The following CDH18 variants were observed in gnomAD, a reference collection of about 807,000 sequenced individuals.
The protein encoded by CDH18 is cadherin-18.
CDH18 carries 31 observed loss-of-function variants against 67.9 expected under a neutral mutation model. The observed-to-expected ratio is 0.46, with a 90% CI of 0.34 to 0.62. The LOEUF (loss-of-function observed/expected upper bound fraction) is 0.62. Among genes scored for constraint, CDH18 ranks in the 20% least tolerant of loss-of-function variants. The pLI is 0.01. For missense variants in CDH18, 890 were observed against 975.5 expected (o/e 0.91, Z 1.17); for synonymous variants, 362 against 347.2 (o/e 1.04, Z -0.48).
chr5:19,828,611 CA>C (rs1219583448), intron 3 of CDH18, among the ~76,000 whole-genome samples: 1 of 152,184 alleles, frequency 6.6e-6, no homozygotes, highest in Non-Finnish European at 1.5e-5. Flanking sequence ...CGTGATTCAT[CA>C]CAGCAACAGA....
At chr5:19,815,349 C>T (rs1305107852) in intron 3 of CDH18, among the ~76,000 whole-genome samples, 1 of 151,830 alleles carries the variant, frequency 6.6e-6, no homozygotes, top group Non-Finnish European at 1.5e-5. Context: ...GCTATGAAAA[C>T]ATGTTTATAT....
chr5:19,685,167 T>C (rs1403588087), intron 5 of CDH18, among the ~76,000 whole-genome samples: 1 of 152,120 alleles, frequency 6.6e-6, no homozygotes, highest in African/African-American at 2.4e-5. Context: ...CAAATACAAA[T>C]GTCAAGTAGG....
chr5:20,336,557 C>T (rs768694257), intron 1 of CDH18, among the ~76,000 whole-genome samples: 17 of 151,614 alleles, frequency 1.1e-4, no homozygotes, highest in Admixed American at 3.9e-4. Flanking sequence ...CCCGTCTATA[C>T]TAAAAATACA....
chr5:19,953,921 T>C (rs1304179558), intron 2 of CDH18, among the ~76,000 whole-genome samples: 2 of 152,078 alleles, frequency 1.3e-5, no homozygotes, highest in African/African-American at 4.8e-5. Flanking sequence ...AGTTATAATT[T>C]TTCCTTGAAA....
chr5:20,084,906 G>A (rs1367134864), intron 2 of CDH18, among the ~76,000 whole-genome samples: 1 of 152,134 alleles, frequency 6.6e-6, no homozygotes, highest in Non-Finnish European at 1.5e-5. Context: ...AGGCCTCCAG[G>A]CTTGTGATGG....
At chr5:19,602,072 C>A (rs554006366) in intron 6 of CDH18, among the ~76,000 whole-genome samples, 45 of 152,040 alleles carry the variant, frequency 3.0e-4, no homozygotes, top group African/African-American at 1.1e-3. Context: ...AACTTTTATT[C>A]AACATAATAC....
At chr5:19,782,529 A>C (rs192209684) in intron 3 of CDH18, among the ~76,000 whole-genome samples, 1 of 152,236 alleles carries the variant, frequency 6.6e-6, no homozygotes, top group Admixed American at 6.5e-5. Context: ...GAGAAAAGCA[A>C]ATTCAAATGT....
chr5:20,269,302 C>G (rs917592694), intron 1 of CDH18, among the ~76,000 whole-genome samples: 2 of 151,252 alleles, frequency 1.3e-5, no homozygotes, highest in African/African-American at 4.9e-5. Flanking sequence ...AGTGCAGTCT[C>G]TATGAAAACA....
At chr5:19,517,406 A>G (rs926695923) in intron 10 of CDH18, among the ~76,000 whole-genome samples, 4 of 151,996 alleles carry the variant, frequency 2.6e-5, no homozygotes, top group Non-Finnish European at 5.9e-5. Context: ...TTATCATCTT[A>G]ACAGACTTTT....
rs553945020 is a variant in CDH18, at chr5:19,569,383, G to T, written c.1253+2196C>A. Among the ~76,000 whole-genome samples, 591 of 152,180 alleles carry T rather than the reference G, an allele frequency of 3.9e-3. 3 individuals carry two copies. Among genetic ancestry groups the T allele is most frequent in the South Asian group, 5.8e-3 (28 of 4,822 alleles). On this transcript the variant is annotated intron_variant, in intron 8 of 12. Transcript: ENST00000382275. ...GAAAGTTTTGGAATACATTCTCCATGCACACCTCCCTCAGACCATTATTAC... is the reference window on the plus strand; with the variant it reads ...GAAAGTTTTGGAATACATTCTCCATTCACACCTCCCTCAGACCATTATTAC...
chr5:19,868,313 C>T (rs1332151823), intron 2 of CDH18, among the ~76,000 whole-genome samples: 1 of 152,138 alleles, frequency 6.6e-6, no homozygotes, highest in African/African-American at 2.4e-5. Flanking sequence ...AGCTTTATTT[C>T]AGATGGAGTG....
At chr5:19,534,401 CATCTT>C (rs1436481914) in intron 9 of CDH18, among the ~76,000 whole-genome samples, 13 of 152,056 alleles carry the variant, frequency 8.5e-5, no homozygotes, top group African/African-American at 3.1e-4. Flanking sequence ...TAGCGTCACT[CATCTT>C]ATTACCATGT....
chr5:19,839,776 T>C (rs1296112873), intron 2 of CDH18, among the ~76,000 whole-genome samples: 4 of 152,136 alleles, frequency 2.6e-5, no homozygotes, highest in Non-Finnish European at 2.9e-5. Context: ...TAAATTTTGA[T>C]AGGTCCTGCA....
intron 2 of CDH18, among the ~76,000 whole-genome samples, chr5:20,117,138 C>A (rs114464295): frequency 0.016 from 2,365 of 152,010 alleles, 62 homozygotes; most frequent in African/African-American, 0.054. Flanking sequence ...ACATGTTTTA[C>A]ATTTAAATTT....
intron 1 of CDH18, chr5:20,331,510 A>C (rs1739184878): frequency 6.6e-6 from 1 of 152,124 alleles, no homozygotes; most frequent in Non-Finnish European, 1.5e-5. Flanking sequence ...ATTTTTTTTG[A>C]AAGTCCTATT....
intron 2 of CDH18, among the ~76,000 whole-genome samples, chr5:19,857,541 A>G (rs1269734184): frequency 2.0e-5 from 3 of 152,202 alleles, no homozygotes; most frequent in African/African-American, 7.2e-5. Context: ...ACAGTCATAT[A>G]TATGTCTTGC....
chr5:19,889,305 AT>A (rs1030810416), intron 2 of CDH18, among the ~76,000 whole-genome samples: 3 of 151,802 alleles, frequency 2.0e-5, no homozygotes, highest in East Asian at 1.9e-4. Context: ...ATGTTAGCCA[AT>A]TTTTTTTCTG....
At chr5:19,786,011 A>G (rs574751438) in intron 3 of CDH18, among the ~76,000 whole-genome samples, 1 of 152,016 alleles carries the variant, frequency 6.6e-6, no homozygotes, top group East Asian at 1.9e-4. Context: ...TTGAAGCAGC[A>G]GGAGGATTAC....
At position 20,014,287 on chromosome 5, in the gene CDH18, G is replaced by A. The variant is rs1737700953; in HGVS notation, c.-517-22273C>T. On this transcript the variant is annotated intron_variant, in intron 2 of 14. Coordinates refer to the CDH18 transcript ENST00000507958. ...CTGTAATTCATCAACAGTCTGCTGG[G>A]CAAGAAAGAGAAACAGAAGGTGGAA... Among the ~76,000 whole-genome samples, 2 of 152,076 alleles carry A rather than the reference G, an allele frequency of 1.3e-5. 1 individual carries two copies. Among genetic ancestry groups the A allele is most frequent in the South Asian group, 4.1e-4 (2 of 4,836 alleles).
Sources: gnomAD v4.1 joint callset for allele counts (sites outside exome capture counted in the v4.1 genomes callset) on GRCh38, gnomAD v4.1.1 for gene constraint, MANE v1.5 for transcripts, NCBI Gene and HGNC (gene_info 2026-07-23, HGNC 2026-07-21) for gene names.